Variants in TTC39B observed in about 807,000 individuals in gnomAD.
TTC39B encodes the protein tetratricopeptide repeat protein 39B.
TTC39B carries 92 observed loss-of-function variants against 96.6 expected under a neutral mutation model. That is an observed-to-expected ratio of 0.95 (90% CI 0.80 to 1.13). The LOEUF (loss-of-function observed/expected upper bound fraction) is 1.13. TTC39B is among the 50% of genes most tolerant of loss of function. The pLI, the probability that TTC39B is intolerant of heterozygous loss-of-function variation, is 0.00. For synonymous variants in TTC39B, 367 were observed against 299.4 expected (o/e 1.23, Z -2.33); for missense variants, 955 against 809.3 (o/e 1.18, Z -2.18).
intron 2 of TTC39B, among the ~76,000 whole-genome samples, chr9:15,231,588 A>G (rs1180565852): frequency 6.6e-6 from 1 of 152,120 alleles, no homozygotes; most frequent in Non-Finnish European, 1.5e-5. Context: ...TCTAATTTTA[A>G]TCACTAGGTA....
In TTC39B at chr9:15,184,482, A is replaced by C. The variant is rs554288159; in HGVS notation, c.1614+798T>G. 2.0e-5 allele frequency among the ~76,000 whole-genome samples: 3 copies of C among 152,128 alleles called. No homozygotes were observed. In the East Asian group the frequency reaches 5.8e-4, roughly 29 times the overall value. On this transcript the variant is annotated intron_variant, in intron 16 of 19. Transcript: ENST00000512701. ...AGGACTGCAGACATCGGTTACACTG[A>C]ACAGCTTTCCTGTGCTGACTATCTA... is the stretch of plus-strand genomic sequence containing the variant.
At chr9:15,301,004 C>G (rs1333114814) in intron 1 of TTC39B, among the ~76,000 whole-genome samples, 2 of 151,880 alleles carry the variant, frequency 1.3e-5, no homozygotes, top group Admixed American at 1.3e-4. Context: ...CCCAAGTCAG[C>G]CTTTTTGGTT....
At position 15,191,185 on chromosome 9, in the gene TTC39B, T is replaced by G. The variant is rs780206830; in HGVS notation, c.996+5A>C. 1 of 1,592,830 alleles carries G rather than the reference T, an allele frequency of 6.3e-7. No homozygotes were observed. The highest frequency in any genetic ancestry group is 8.6e-7 in the Non-Finnish European group (1 of 1,162,532). ...GTCAAAATTAACATAAAATTAAATT[T>G]GTACCCTATTCCCAGAAAATCCAAT... On this transcript the variant is annotated splice_donor_5th_base_variant and intron_variant, in intron 10 of 19. Coordinates refer to ENST00000512701, the Ensembl canonical transcript of TTC39B.
At chr9:15,222,700 T>C (rs1326572340) in intron 3 of TTC39B, among the ~76,000 whole-genome samples, 1 of 152,214 alleles carries the variant, frequency 6.6e-6, no homozygotes, top group Non-Finnish European at 1.5e-5. Context: ...TGGGCTGACA[T>C]ATCTAGGCTT....
intron 7 of TTC39B, among the ~76,000 whole-genome samples, chr9:15,202,484 G>T (rs1819597338): frequency 6.6e-6 from 1 of 152,112 alleles, no homozygotes; most frequent in South Asian, 2.1e-4. Flanking sequence ...GGCCGAGGTG[G>T]GTGGAACACC....
chr9:15,208,492 A>G (rs1243932147), intron 6 of TTC39B, among the ~76,000 whole-genome samples: 4 of 152,190 alleles, frequency 2.6e-5, no homozygotes, highest in African/African-American at 7.2e-5. Flanking sequence ...AGGAGAATAC[A>G]ACAAAAAGGT....
chr9:15,257,654 G>C (rs1436865754), intron 2 of TTC39B, among the ~76,000 whole-genome samples: 4 of 151,984 alleles, frequency 2.6e-5, no homozygotes, highest in Non-Finnish European at 5.9e-5. Context: ...TGCCATGTTG[G>C]TCAGGCTGGT....
At chr9:15,250,039 G>C (rs1485265550) in intron 2 of TTC39B, 23 of 1,284,502 alleles carry the variant, frequency 1.8e-5, no homozygotes, top group Non-Finnish European at 2.1e-5. Context: ...CTCAATTTTA[G>C]AGCCAACAAA....
At chr9:15,199,921 T>G (rs770151048) in exon 8 of TTC39B, 7 of 1,539,998 alleles carry the variant, frequency 4.5e-6, no homozygotes, top group African/African-American at 2.8e-5. Flanking sequence ...GATCATATTT[T>G]CATCCTGAAA....
rs552266926 is a variant in TTC39B, at chr9:15,272,302, C to T, written c.241-4354G>A. Among the ~76,000 whole-genome samples the T allele has an allele frequency of 2.0e-5, 3 of 152,284 alleles. No homozygotes were observed. In the South Asian group the frequency reaches 6.2e-4, roughly 32 times the overall value. ...ACCAAAGTCTCTTTGCTTCTCCATA[C>T]TCACCATAAATTTCCTAGTGCTCCT... is the stretch of plus-strand genomic sequence containing the variant. On this transcript the variant is annotated intron_variant, in intron 1 of 19. Transcript: ENST00000512701.
At chr9:15,180,635 C>G (rs753893832) in intron 17 of TTC39B, among the ~76,000 whole-genome samples, 9 of 152,094 alleles carry the variant, frequency 5.9e-5, no homozygotes, top group Non-Finnish European at 1.2e-4. Flanking sequence ...ATGATGTAAC[C>G]TCAGGTTTAC....
chr9:15,201,944 T>C (rs538071081), intron 7 of TTC39B, among the ~76,000 whole-genome samples: 5 of 152,092 alleles, frequency 3.3e-5, no homozygotes, highest in Non-Finnish European at 7.4e-5. Context: ...AACTGCAGAA[T>C]AGGGAATGAG....
At chr9:15,226,107 AT>A in intron 2 of TTC39B, 95 bp from the exon 3 acceptor site, 1 of 950,518 alleles carries the variant, frequency 1.1e-6, no homozygotes. Flanking sequence ...TCTTCCAATT[AT>A]TTTTATACAT....
At chr9:15,251,993 C>A (rs1822578388) in intron 2 of TTC39B, among the ~76,000 whole-genome samples, 1 of 151,814 alleles carries the variant, frequency 6.6e-6, no homozygotes, top group South Asian at 2.1e-4. Context: ...GCTCTCAGTC[C>A]AGTTGGGGAG....
At chr9:15,192,633 T>G in exon 9 of TTC39B, 1 of 1,614,076 alleles carries the variant, frequency 6.2e-7, no homozygotes, top group Non-Finnish European at 8.5e-7. Flanking sequence ...CCCTTCAAAC[T>G]CATAGAAGAA....
chr9:15,168,925 C>T (rs1254400314), exon 20 of TTC39B: 11 of 121,606 alleles, frequency 9.0e-5, no homozygotes, highest in African/African-American at 3.6e-4. Context: ...AGAAAACATT[C>T]ACTTTTATTT....
At chr9:15,190,104 C>T (rs1818770527) in intron 11 of TTC39B, among the ~76,000 whole-genome samples, 1 of 151,990 alleles carries the variant, frequency 6.6e-6, no homozygotes, top group African/African-American at 2.4e-5. Context: ...AGAAAAAAAT[C>T]TCATATATGA....
chr9:15,186,655 G>C (rs985638631), intron 15 of TTC39B: 1 of 233,042 alleles, frequency 4.3e-6, no homozygotes, highest in Middle Eastern at 1.4e-3. Context: ...TCATGCCATG[G>C]CTTTTACTAA....
chr9:15,274,268 C>A (rs1035207473), intron 1 of TTC39B, among the ~76,000 whole-genome samples: 1 of 152,178 alleles, frequency 6.6e-6, no homozygotes, highest in Admixed American at 6.5e-5. Context: ...TTTCATTCTG[C>A]TCACATTTAT....
Sources: gnomAD v4.1 joint callset for allele counts (sites outside exome capture counted in the v4.1 genomes callset) on GRCh38, gnomAD v4.1.1 for gene constraint, MANE v1.5 for transcripts, NCBI Gene and HGNC (gene_info 2026-07-23, HGNC 2026-07-21) for gene names.